C1GALT1: variants seen among roughly 807,000 people sequenced by gnomAD.
The protein encoded by C1GALT1 is glycoprotein-N-acetylgalactosamine 3-beta-galactosyltransferase 1.
In C1GALT1, 11 loss-of-function variants were observed where a neutral mutation model predicts 31.0. The observed-to-expected ratio is 0.36, with a 90% CI of 0.22 to 0.59. The LOEUF (loss-of-function observed/expected upper bound fraction) is 0.59. C1GALT1 is among the 20% of genes least tolerant of loss of function. The pLI, the probability that C1GALT1 is intolerant of heterozygous loss-of-function variation, is 0.79. For synonymous variants in C1GALT1, 175 were observed against 143.6 expected (o/e 1.22, Z -1.56); for missense variants, 424 against 425.2 (o/e 1.00, Z 0.03).
At chr7:7,158,175 C>T (rs1205374669) in intron 2 of C1GALT1, among the ~76,000 whole-genome samples, 1 of 152,070 alleles carries the variant, frequency 6.6e-6, no homozygotes, top group Non-Finnish European at 1.5e-5. Flanking sequence ...TCTTTAGAAC[C>T]TGTTAGAATG....
At chr7:7,242,735 T>A (rs977825235) in intron 3 of C1GALT1, among the ~76,000 whole-genome samples, 16 of 152,116 alleles carry the variant, frequency 1.1e-4, no homozygotes, top group African/African-American at 3.9e-4. Flanking sequence ...TAAACTTTGT[T>A]CTCATACCAA....
intron 1 of C1GALT1, among the ~76,000 whole-genome samples, chr7:7,227,636 C>G (rs908634067): frequency 6.7e-6 from 1 of 149,950 alleles, no homozygotes; most frequent in African/African-American, 2.5e-5. Context: ...AGGAGAATGG[C>G]GTGAACCCGG....
At chr7:7,239,315 G>A (rs1783516484) in intron 3 of C1GALT1, among the ~76,000 whole-genome samples, 1 of 152,198 alleles carries the variant, frequency 6.6e-6, no homozygotes, top group South Asian at 2.1e-4. Flanking sequence ...GACCCAGAGT[G>A]GGATGGAGTC....
At chr7:7,203,784 A>C (rs1007578699) in intron 1 of C1GALT1, among the ~76,000 whole-genome samples, 1 of 152,156 alleles carries the variant, frequency 6.6e-6, no homozygotes, top group Non-Finnish European at 1.5e-5. Context: ...GGTAATTAGC[A>C]TATCCATGAT....
At chr7:7,167,448 C>T (rs114345626) in intron 2 of C1GALT1, among the ~76,000 whole-genome samples, 3,285 of 152,188 alleles carry the variant, frequency 0.022, 115 homozygotes, top group African/African-American at 0.075. Flanking sequence ...ATTTAAACTA[C>T]ATGTAAATTT....
chr7:7,230,768 T>C (rs1783038878), intron 1 of C1GALT1, among the ~76,000 whole-genome samples: 1 of 151,710 alleles, frequency 6.6e-6, no homozygotes, highest in African/African-American at 2.4e-5. Context: ...CTATTATTAA[T>C]CAGTTTTTTT....
chr7:7,164,245 G>A (rs142036055), intron 2 of C1GALT1, among the ~76,000 whole-genome samples: 3,458 of 152,216 alleles, frequency 0.023, 126 homozygotes, highest in East Asian at 0.15. Context: ...AAATGGTGCT[G>A]GGGAAACTGG....
In C1GALT1 at chr7:7,227,522, C is replaced by T. The variant is rs187591593; in HGVS notation, c.-17-6781C>T. 2.4e-3 allele frequency among the ~76,000 whole-genome samples: 359 copies of T among 152,146 alleles called. 3 individuals carry two copies. Among genetic ancestry groups the T allele is most frequent in the African/African-American group, 8.2e-3 (341 of 41,498 alleles). Reference sequence around the variant, plus strand: ...GATCACGAGGTCGGGAGATCGAGACCATCCCGGCTAAAACGGTGAAACCCC... The same window carrying T: ...GATCACGAGGTCGGGAGATCGAGACTATCCCGGCTAAAACGGTGAAACCCC... On this transcript the variant is annotated intron_variant, in intron 1 of 3. Transcript: ENST00000436587.
At chr7:7,173,110 A>G (rs746248448) in intron 2 of C1GALT1, among the ~76,000 whole-genome samples, 35 of 152,152 alleles carry the variant, frequency 2.3e-4, no homozygotes, top group East Asian at 9.7e-4. Flanking sequence ...GTAATCCCCA[A>G]TGTTGGAGGT....
chr7:7,215,696 C>T (rs960970578), intron 1 of C1GALT1, among the ~76,000 whole-genome samples: 5 of 149,692 alleles, frequency 3.3e-5, no homozygotes, highest in Non-Finnish European at 7.4e-5. Flanking sequence ...TTTCTTTTCC[C>T]TTTTGGCGTA....
chr7:7,158,400 G>A (rs1780296696), intron 2 of C1GALT1, among the ~76,000 whole-genome samples: 1 of 152,216 alleles, frequency 6.6e-6, no homozygotes, highest in South Asian at 2.1e-4. Context: ...AGGCATTGGA[G>A]TTTGATGTGG....
In C1GALT1 at chr7:7,162,541, G is replaced by A. The variant is rs1273851061; in HGVS notation, c.-18+5115G>A. ...TGTTGGACATTTGGGTTGGTTCCAA[G>A]TCTTTGCTATTGTGAATAGTGCCAC... On this transcript the variant is annotated intron_variant, in intron 2 of 3. Transcript: ENST00000429911. Among the ~76,000 whole-genome samples, 4 of 151,764 alleles carry A rather than the reference G, an allele frequency of 2.6e-5. 1 individual carries two copies. The highest frequency in any genetic ancestry group is 9.7e-5 in the African/African-American group (4 of 41,264).
chr7:7,195,363 A>G (rs1009765961), intron 1 of C1GALT1, among the ~76,000 whole-genome samples: 2 of 152,172 alleles, frequency 1.3e-5, no homozygotes, highest in Non-Finnish European at 2.9e-5. Flanking sequence ...AGGTTTTGAT[A>G]GGTTGTGTCA....
At chr7:7,168,974 G>A (rs1451979758) in intron 2 of C1GALT1, among the ~76,000 whole-genome samples, 1 of 152,230 alleles carries the variant, frequency 6.6e-6, no homozygotes, top group Admixed American at 6.5e-5. Flanking sequence ...ATCTGTTAAT[G>A]AAGCTTTTCC....
At chr7:7,162,725 C>T (rs1296564375) in intron 2 of C1GALT1, among the ~76,000 whole-genome samples, 2 of 151,960 alleles carry the variant, frequency 1.3e-5, no homozygotes, top group South Asian at 2.1e-4. Context: ...AGTTTACAGT[C>T]CCACCAACAG....
chr7:7,177,498 G>A (rs1780517037), intron 2 of C1GALT1, among the ~76,000 whole-genome samples: 1 of 152,180 alleles, frequency 6.6e-6, no homozygotes, highest in Non-Finnish European at 1.5e-5. Flanking sequence ...ACAAAGAGGA[G>A]CAGATATACT....
rs576664031 is a variant in C1GALT1, at chr7:7,194,433, A to G, written c.-18+11613A>G. ...CTTTTCTGTGTCTATTGAGATGATT[A>G]TGTGATTTTTGTTTTTAATTGTTTA... On this transcript the variant is annotated intron_variant, in intron 1 of 3. Transcript: ENST00000436587. 6.6e-5 allele frequency among the ~76,000 whole-genome samples: 10 copies of G among 152,254 alleles called. No homozygotes were observed. In the South Asian group the frequency reaches 1.4e-3, roughly 22 times the overall value.
At chr7:7,214,210 G>A (rs1048155812) in intron 1 of C1GALT1, among the ~76,000 whole-genome samples, 2 of 152,120 alleles carry the variant, frequency 1.3e-5, no homozygotes, top group African/African-American at 4.8e-5. Context: ...TTTTGAGAGG[G>A]ATCCATCTCC....
intron 2 of C1GALT1, among the ~76,000 whole-genome samples, chr7:7,169,479 G>A (rs549898973): frequency 6.6e-6 from 1 of 151,792 alleles, no homozygotes; most frequent in Non-Finnish European, 1.5e-5. Context: ...CACCAGTAAT[G>A]TGCAAATGTT....
Sources: gnomAD v4.1 joint callset for allele counts (sites outside exome capture counted in the v4.1 genomes callset) on GRCh38, gnomAD v4.1.1 for gene constraint, MANE v1.5 for transcripts, NCBI Gene and HGNC (gene_info 2026-07-23, HGNC 2026-07-21) for gene names.